Variants in TM9SF3 observed in about 807,000 individuals in gnomAD.
TM9SF3 encodes SM-11044-binding protein.
Under a neutral mutation model 78.6 loss-of-function variants are expected in TM9SF3, and 14 were observed. The ratio of observed to expected loss-of-function variants is 0.18; its 90% CI spans 0.12 to 0.28. The LOEUF (loss-of-function observed/expected upper bound fraction) is 0.28, where lower values mean the gene tolerates loss of function less well. TM9SF3 is among the 10% of genes least tolerant of loss of function. The probability of loss-of-function intolerance (pLI) is 1.00; values close to 1 mark genes in which losing one functional copy is unlikely to be tolerated. For synonymous variants in TM9SF3, 231 were observed against 241.7 expected, an observed-to-expected ratio of 0.96 and a Z score of 0.41; for missense variants, 496 against 721.9, an observed-to-expected ratio of 0.69 and a Z score of 3.59.
At chr10:96,549,229 G>A (rs2134142222) in intron 7 of TM9SF3, among the ~76,000 whole-genome samples, 1 of 152,240 alleles carries the variant, frequency 6.6e-6, no homozygotes, top group East Asian at 1.9e-4. Context: ...AGTGACCACA[G>A]AGGCAAAGTA....
At position 96,586,703 on chromosome 10, in the gene TM9SF3, C is replaced by G. The variant is rs537455529; in HGVS notation, c.102+31G>C. Reference sequence around the variant, plus strand: ...TCAGTGGGCAACTGGGGAGCTAGCCCGGGGCGGCCGCGCCGGCCGGGGCGC... The same window carrying G: ...TCAGTGGGCAACTGGGGAGCTAGCCGGGGGCGGCCGCGCCGGCCGGGGCGC... On this transcript the variant is annotated intron_variant, in intron 1 of 14. Coordinates refer to ENST00000371142, the MANE Select transcript of TM9SF3 (RefSeq NM_020123.4). 5.0e-5 allele frequency: 61 copies of G among 1,218,822 alleles called. No individual in the cohort carries two copies. The South Asian group carries it at 2.2e-3, about 44-fold the overall frequency. The allele number at this position is 1,218,822 out of a possible 1,614,324, so 75.5% of individuals were successfully genotyped here. A position where few individuals can be genotyped will look rare whatever the true frequency, so the allele number is the denominator to read the frequency against.
At position 96,562,147 on chromosome 10, in the gene TM9SF3, G is replaced by C; in HGVS notation, c.422-9C>G. 1.3e-6 allele frequency: 2 copies of C among 1,568,842 alleles called. No homozygotes were observed. Among genetic ancestry groups the C allele is most frequent in the Non-Finnish European group, 1.7e-6 (2 of 1,156,806 alleles). On this transcript the variant is annotated splice_polypyrimidine_tract_variant and intron_variant, in intron 3 of 14. Coordinates refer to ENST00000371142, the MANE Select transcript of TM9SF3 (RefSeq NM_020123.4). Reference sequence around the variant, plus strand: ...AGCCTCACCAACAATACCTACAAAAGAAAAAACACTTTATACAAGGTAAAA... The same window carrying C: ...AGCCTCACCAACAATACCTACAAAACAAAAAACACTTTATACAAGGTAAAA...
intron 11 of TM9SF3, among the ~76,000 whole-genome samples, chr10:96,529,819 C>A (rs539234982): frequency 1.8e-4 from 27 of 152,210 alleles, no homozygotes; most frequent in African/African-American, 6.5e-4. Context: ...AGTGGGGCAT[C>A]TGGAAACATG....
intron 8 of TM9SF3, among the ~76,000 whole-genome samples, chr10:96,545,023 T>A (rs1848080943): frequency 6.6e-6 from 1 of 152,180 alleles, no homozygotes; most frequent in Non-Finnish European, 1.5e-5. Flanking sequence ...TTTTACTATT[T>A]CTCTGTACCT....
intron 8 of TM9SF3, among the ~76,000 whole-genome samples, chr10:96,546,791 A>G (rs1163885282): frequency 6.6e-6 from 1 of 152,196 alleles, no homozygotes; most frequent in South Asian, 2.1e-4. Flanking sequence ...CCTATAACCT[A>G]TAAGTGTGCC....
At chr10:96,531,377 A>T (rs1847891952) in intron 10 of TM9SF3, among the ~76,000 whole-genome samples, 1 of 141,014 alleles carries the variant, frequency 7.1e-6, no homozygotes, top group Non-Finnish European at 1.6e-5. Flanking sequence ...AATTCCAAAT[A>T]CATGTGTGTA....
intron 2 of TM9SF3, among the ~76,000 whole-genome samples, chr10:96,568,104 T>C (rs1848399437): frequency 6.6e-6 from 1 of 152,250 alleles, no homozygotes; most frequent in Admixed American, 6.5e-5. Context: ...TGGTTGGTCA[T>C]ATCTTAATGA....
At chr10:96,523,678 C>G (rs1005770751) in intron 14 of TM9SF3, among the ~76,000 whole-genome samples, 1 of 151,858 alleles carries the variant, frequency 6.6e-6, no homozygotes, top group African/African-American at 2.4e-5. Context: ...GCCTACAGAT[C>G]TAACTACCAC....
intron 5 of TM9SF3, among the ~76,000 whole-genome samples, chr10:96,557,957 G>A: frequency 6.6e-6 from 1 of 152,212 alleles, no homozygotes; most frequent in Non-Finnish European, 1.5e-5. Context: ...AGTTCCTAGA[G>A]GGTATAGATC....
intron 1 of TM9SF3, 74 bp downstream of exon 1, chr10:96,586,660 G>A (rs1245942474): frequency 8.5e-7 from 1 of 1,170,486 alleles, no homozygotes; most frequent in Non-Finnish European, 1.1e-6. Flanking sequence ...GGGCACTCCA[G>A]GCTGCGTGGG....
At chr10:96,543,952 A>G (rs897139734) in intron 9 of TM9SF3, 124 bp downstream of exon 9, 6 of 1,024,990 alleles carry the variant, frequency 5.9e-6, no homozygotes, top group Non-Finnish European at 8.0e-6. Flanking sequence ...CTAACTTTCC[A>G]GGACTGAGTA....
Position 96,519,738 on chromosome 10 carries a change from G to A in TM9SF3, c.*2525C>T, listed in dbSNP as rs1242614448. 2.0e-5 allele frequency: 3 copies of A among 151,756 alleles called. No homozygotes were observed. The highest frequency in any genetic ancestry group is 4.4e-5 in the Non-Finnish European group (3 of 67,734). The allele number at this position is 151,756 out of a possible 1,614,324, so 9.4% of individuals were successfully genotyped here. ...TTTTCTATTCTACAACTGAGCGCTA[G>A]GGAGCTAAACTATTTGTGAATTACA... is the stretch of plus-strand genomic sequence containing the variant. On this transcript the variant is annotated 3_prime_UTR_variant, in exon 15 of 15. Transcript: ENST00000371142.
At chr10:96,551,820 T>G (rs555902813) in intron 6 of TM9SF3, among the ~76,000 whole-genome samples, 1 of 152,154 alleles carries the variant, frequency 6.6e-6, no homozygotes, top group Non-Finnish European at 1.5e-5. Context: ...AAACCAGTAC[T>G]AGATCCCCTA....
At chr10:96,559,252 GT>G (rs200990755) in intron 5 of TM9SF3, among the ~76,000 whole-genome samples, 1,965 of 152,266 alleles carry the variant, frequency 0.013, 32 homozygotes, top group Non-Finnish European at 0.016. Flanking sequence ...CTCTCTGAGT[GT>G]GTTAAGTCTA....
Position 96,520,760 on chromosome 10 carries a change from C to A in TM9SF3, c.*1503G>T. The A allele has an allele frequency of 2.5e-6, 1 of 394,152 alleles. No homozygotes were observed. The highest frequency in any genetic ancestry group is 3.6e-5 in the East Asian group (1 of 27,966). 24.4% of individuals were successfully genotyped at this position (394,152 alleles called of 1,614,324 possible). A position where few individuals can be genotyped will look rare whatever the true frequency, so the allele number is the denominator to read the frequency against. ...ATCCCCACTTTACACGGTACACCAA[C>A]CTGAACAGATTTTGTGCCACAATTT... On this transcript the variant is annotated 3_prime_UTR_variant, in exon 15 of 15. Transcript: ENST00000371142.
intron 9 of TM9SF3, among the ~76,000 whole-genome samples, chr10:96,536,924 T>A (rs945026119): frequency 1.3e-5 from 2 of 152,220 alleles, no homozygotes; most frequent in African/African-American, 4.8e-5. Context: ...GCCTCCTGAA[T>A]AACTGGGACT....
intron 2 of TM9SF3, among the ~76,000 whole-genome samples, chr10:96,574,779 T>C (rs1353808318): frequency 1.3e-5 from 2 of 152,148 alleles, no homozygotes; most frequent in African/African-American, 2.4e-5. Context: ...TGCAGGGACA[T>C]GGATGAAGCT....
At chr10:96,586,497 G>A (rs969754235) in intron 1 of TM9SF3, among the ~76,000 whole-genome samples, 2 of 152,084 alleles carry the variant, frequency 1.3e-5, no homozygotes, top group African/African-American at 2.4e-5. Flanking sequence ...CGCCACTGAG[G>A]CCCAGACCGG....
At chr10:96,526,482 T>C (rs987605752) in intron 14 of TM9SF3, among the ~76,000 whole-genome samples, 3 of 152,156 alleles carry the variant, frequency 2.0e-5, no homozygotes, top group Admixed American at 6.5e-5. Context: ...CCATTTATCA[T>C]ACTGTTTCCA....
Sources: allele counts gnomAD v4.1 joint callset (sites outside exome capture counted in the v4.1 genomes callset), GRCh38; gene constraint gnomAD v4.1.1; transcripts MANE v1.5; gene names NCBI Gene and HGNC (gene_info 2026-07-23, HGNC 2026-07-21).